The following SCIN variants were observed in gnomAD, a reference collection of about 807,000 sequenced individuals.
SCIN encodes the protein scinderin, also known as adseverin.
SCIN carries 91 observed loss-of-function variants against 91.8 expected under a neutral mutation model. The observed-to-expected ratio is 0.99, with a 90% CI of 0.84 to 1.18. SCIN has a LOEUF of 1.18. Among genes scored for constraint, SCIN ranks in the 50% most tolerant of loss-of-function variants. The pLI is 0.00. For synonymous variants in SCIN, 367 were observed against 312.6 expected (o/e 1.17, Z -1.84); for missense variants, 1,087 against 863.9 (o/e 1.26, Z -3.24).
intron 11 of SCIN, among the ~76,000 whole-genome samples, chr7:12,641,776 C>T (rs371043401): frequency 1.9e-4 from 29 of 152,108 alleles, no homozygotes; most frequent in Non-Finnish European, 3.5e-4. Flanking sequence ...TCCATGAACC[C>T]GCTGCCTCCT....
intron 3 of SCIN, among the ~76,000 whole-genome samples, chr7:12,592,413 G>T (rs1489291191): frequency 6.6e-6 from 1 of 152,132 alleles, no homozygotes; most frequent in Non-Finnish European, 1.5e-5. Context: ...TTTACGATGG[G>T]CTGTAGGCCC....
At chr7:12,571,120 C>A in intron 1 of SCIN, 135 bp downstream of exon 1, 1 of 993,612 alleles carries the variant, frequency 1.0e-6, no homozygotes. Flanking sequence ...ACGGGGCTGC[C>A]CTTTGGGGCC....
At chr7:12,604,465 A>T (rs531740617) in intron 3 of SCIN, 49 bp from the exon 4 acceptor site, 4 of 1,501,016 alleles carry the variant, frequency 2.7e-6, no homozygotes, top group South Asian at 2.4e-5. Context: ...CTGAGGCTGA[A>T]TGTCTTCCTC....
chr7:12,637,367 T>G (rs1288841131), intron 10 of SCIN, among the ~76,000 whole-genome samples: 1 of 152,194 alleles, frequency 6.6e-6, no homozygotes, highest in Non-Finnish European at 1.5e-5. Context: ...GTCCTTATAT[T>G]TCCCTTTTAG....
At chr7:12,600,647 G>T (rs1782939147) in intron 3 of SCIN, among the ~76,000 whole-genome samples, 1 of 152,202 alleles carries the variant, frequency 6.6e-6, no homozygotes, top group Non-Finnish European at 1.5e-5. Context: ...AGTCTACTGA[G>T]TTGCACTGGA....
intron 3 of SCIN, among the ~76,000 whole-genome samples, chr7:12,594,098 G>A (rs548623511): frequency 1.3e-5 from 2 of 152,316 alleles, no homozygotes; most frequent in East Asian, 3.9e-4. Flanking sequence ...AAGCAAGGGA[G>A]CTGGTTGCTG....
chr7:12,625,094 T>C lies in SCIN; in HGVS notation c.844T>C (p.Cys282Arg). The C allele has an allele frequency of 6.2e-7, 1 of 1,608,210 alleles. No individual in the cohort carries two copies. The highest frequency in any genetic ancestry group is 1.7e-4 in the Middle Eastern group (1 of 6,054). The change falls in exon 6 of 16, where the codon TGC becomes CGC. Residue 282 changes from cysteine (C) to arginine (R), a missense_variant. By Grantham distance (180) the Cys-to-Arg change is radical. Coordinates refer to ENST00000297029, the MANE Select transcript of SCIN (RefSeq NM_001112706.3). The stretch of plus-strand genomic sequence containing the variant: ...AATGGCAATGCTGCTGTCTGAAGAA[T>C]GCTTTATTTTGGACCACGGGGCTGC... Reference protein sequence around the residue: ...FSMAMLLSEECFILDHGAAKQ... With the variant: ...FSMAMLLSEERFILDHGAAKQ...
intron 9 of SCIN, among the ~76,000 whole-genome samples, chr7:12,634,636 A>G (rs981462926): frequency 6.6e-6 from 1 of 152,226 alleles, no homozygotes; most frequent in Non-Finnish European, 1.5e-5. Flanking sequence ...TCAAATAGAA[A>G]TGGGAAACCT....
At chr7:12,600,717 A>C (rs907988197) in intron 3 of SCIN, among the ~76,000 whole-genome samples, 3 of 152,198 alleles carry the variant, frequency 2.0e-5, no homozygotes, top group African/African-American at 7.2e-5. Flanking sequence ...AGTACATCAC[A>C]CTTGGCACAC....
In SCIN at chr7:12,659,774, C is replaced by G; in HGVS notation, c.*7059C>G. The G allele has an allele frequency of 6.1e-6, 1 of 164,654 alleles. No individual in the cohort carries two copies. 10.2% of individuals were successfully genotyped at this position (164,654 alleles called of 1,614,324 possible). A position where few individuals can be genotyped will look rare whatever the true frequency, so the allele number is the denominator to read the frequency against. On this transcript the variant is annotated 3_prime_UTR_variant, in exon 16 of 16. Transcript: ENST00000297029. ...GCAAAATAACTAGCTCCCCACTTTA[C>G]ACAGAGTACACCATGTCAGGCCTCT...
chr7:12,642,458 C>T (rs1167337273), intron 11 of SCIN, among the ~76,000 whole-genome samples: 1 of 151,972 alleles, frequency 6.6e-6, no homozygotes, highest in Non-Finnish European at 1.5e-5. Context: ...CCATGACCTT[C>T]TCCAGCTACT....
At chr7:12,610,179 A>G (rs376447514) in intron 4 of SCIN, among the ~76,000 whole-genome samples, 17 of 152,358 alleles carry the variant, frequency 1.1e-4, no homozygotes, top group African/African-American at 4.1e-4. Flanking sequence ...CTCCCAAAAT[A>G]GAAAATGTGT....
intron 1 of SCIN, among the ~76,000 whole-genome samples, chr7:12,574,679 A>G (rs1032923453): frequency 5.3e-5 from 8 of 152,096 alleles, no homozygotes; most frequent in Non-Finnish European, 1.0e-4. Flanking sequence ...CTACTGGGGG[A>G]AATTGGGTCT....
chr7:12,589,328 A>G (rs896288839), intron 3 of SCIN: 1 of 147,798 alleles, frequency 6.8e-6, no homozygotes, highest in African/African-American at 2.5e-5. Flanking sequence ...CCCACACGCC[A>G]TTCTCCTGCC....
rs537235739 is a variant in SCIN, at chr7:12,570,900, C to T, written c.114C>T (p.Gly38=). 100 of 1,551,566 alleles carry T rather than the reference C, an allele frequency of 6.4e-5. 1 individual carries two copies. In the South Asian group the frequency reaches 1.0e-3, roughly 16 times the overall value. The change falls in exon 1 of 16, where the codon GGC becomes GGT. Residue 38 remains glycine (G), a synonymous_variant. Transcript: ENST00000297029. ...ELVPVPQSAH[G]DFYVGDAYLV... ...TGCCCGTGCCCCAGAGCGCTCACGG[C>T]GACTTCTACGTCGGGGATGCCTACC...
intron 11 of SCIN, 56 bp downstream of exon 11, chr7:12,640,573 G>C: frequency 1.4e-6 from 2 of 1,426,148 alleles, no homozygotes; most frequent in Non-Finnish European, 1.8e-6. Flanking sequence ...CAATGGACCT[G>C]AGCCATCAGC....
intron 9 of SCIN, among the ~76,000 whole-genome samples, chr7:12,631,912 G>A (rs953788021): frequency 2.0e-5 from 3 of 152,112 alleles, no homozygotes; most frequent in African/African-American, 4.8e-5. Context: ...CAATCTACTC[G>A]TCATAGAGTA....
intron 1 of SCIN, among the ~76,000 whole-genome samples, chr7:12,575,453 C>G (rs943973336): frequency 1.3e-5 from 2 of 151,900 alleles, no homozygotes; most frequent in Non-Finnish European, 2.9e-5. Flanking sequence ...AACATTTAGT[C>G]TTTTACTGTT....
At chr7:12,603,305 T>C (rs849775) in intron 3 of SCIN, among the ~76,000 whole-genome samples, 142,681 of 152,030 alleles carry the variant, frequency 0.94, 67,016 homozygotes, top group East Asian at 1. Flanking sequence ...CCACTACACC[T>C]GGCTAATTTT....
Sources: allele counts gnomAD v4.1 joint callset (sites outside exome capture counted in the v4.1 genomes callset), GRCh38; gene constraint gnomAD v4.1.1; transcripts MANE v1.5; gene names NCBI Gene and HGNC (gene_info 2026-07-23, HGNC 2026-07-21).